Variants in ROCK2 observed in about 807,000 individuals in gnomAD.
ROCK2 encodes the protein rho-associated protein kinase 2.
ROCK2 carries 61 observed loss-of-function variants against 195.1 expected under a neutral mutation model. The ratio of observed to expected loss-of-function variants is 0.31; its 90% CI spans 0.25 to 0.39. The LOEUF is 0.39. ROCK2 is among the 10% of genes least tolerant of loss of function. ROCK2 has a pLI of 1.00. For synonymous variants in ROCK2, 504 were observed against 545.5 expected, an observed-to-expected ratio of 0.92 and a Z score of 1.06; for missense variants, 1,109 against 1,637.4, an observed-to-expected ratio of 0.68 and a Z score of 5.57.
chr2:11,320,105 C>A (rs554362992), intron 1 of ROCK2, among the ~76,000 whole-genome samples: 1 of 152,276 alleles, frequency 6.6e-6, no homozygotes, highest in African/African-American at 2.4e-5. Context: ...AGGATACATT[C>A]ACTCCCTATA....
chr2:11,216,115 T>C, intron 13 of ROCK2, 43 bp downstream of exon 13: 1 of 1,534,904 alleles, frequency 6.5e-7, no homozygotes, highest in African/African-American at 1.4e-5. Context: ...CATCAAAGAT[T>C]TTTACTAACA....
intron 32 of ROCK2, among the ~76,000 whole-genome samples, chr2:11,187,334 C>A (rs1663234940): frequency 6.6e-6 from 1 of 152,200 alleles, no homozygotes; most frequent in Admixed American, 6.5e-5. Flanking sequence ...CCCACTCTGT[C>A]CTGCCTGGGA....
At chr2:11,275,441 G>A (rs182761990) in intron 3 of ROCK2, among the ~76,000 whole-genome samples, 3 of 152,188 alleles carry the variant, frequency 2.0e-5, no homozygotes, top group East Asian at 1.9e-4. Flanking sequence ...GTGACTGTAC[G>A]AGAAAACAAC....
intron 7 of ROCK2, 62 bp from the exon 8 acceptor site, chr2:11,222,236 T>C (rs1664661401): frequency 4.4e-6 from 4 of 917,516 alleles, no homozygotes; most frequent in Non-Finnish European, 5.1e-6. Flanking sequence ...ATTAACTCTA[T>C]GTCAACAGTT....
intron 1 of ROCK2, among the ~76,000 whole-genome samples, chr2:11,298,964 T>G (rs1667621452): frequency 1.3e-5 from 2 of 152,086 alleles, no homozygotes; most frequent in South Asian, 4.1e-4. Flanking sequence ...TCATTTTATA[T>G]TCCACATTAA....
chr2:11,324,425 A>AAAAC, intron 1 of ROCK2, among the ~76,000 whole-genome samples: 2 of 150,758 alleles, frequency 1.3e-5, no homozygotes, highest in African/African-American at 4.9e-5. Context: ...CTCCGTCTCA[A>AAAAC]AAAACAAAAC....
At chr2:11,237,772 T>C (rs1659208434) in intron 4 of ROCK2, among the ~76,000 whole-genome samples, 1 of 152,142 alleles carries the variant, frequency 6.6e-6, no homozygotes, top group African/African-American at 2.4e-5. Flanking sequence ...TTCAAGAATA[T>C]AGTTTGACAA....
intron 5 of ROCK2, 33 bp from the exon 6 acceptor site, chr2:11,227,431 T>C (rs2148086863): frequency 6.3e-7 from 1 of 1,588,424 alleles, no homozygotes; most frequent in South Asian, 1.1e-5. Flanking sequence ...GAAAAAACAG[T>C]TCAGTGTAAA....
intron 8 of ROCK2, among the ~76,000 whole-genome samples, chr2:11,221,624 C>G (rs1664640682): frequency 6.6e-6 from 1 of 152,052 alleles, no homozygotes; most frequent in Admixed American, 6.6e-5. Flanking sequence ...ATTTAGAGAC[C>G]TCCATTTTCT....
intron 32 of ROCK2, among the ~76,000 whole-genome samples, chr2:11,189,306 C>T (rs1271274330): frequency 6.6e-6 from 1 of 152,140 alleles, no homozygotes; most frequent in Admixed American, 6.5e-5. Context: ...TGAGACACAC[C>T]AGCAATTCTG....
chr2:11,267,835 C>T (rs988647404), intron 3 of ROCK2, among the ~76,000 whole-genome samples: 3 of 151,060 alleles, frequency 2.0e-5, no homozygotes, highest in East Asian at 2.0e-4. Flanking sequence ...TTAGCAGAGA[C>T]GGGGTTTCAC....
chr2:11,227,459 GCAAT>G, intron 5 of ROCK2, 61 bp from the exon 6 acceptor site: 5 of 1,457,900 alleles, frequency 3.4e-6, no homozygotes, highest in Non-Finnish European at 4.7e-6. Flanking sequence ...ACTTATAAAT[GCAAT>G]GAATCCATTT....
At chr2:11,312,504 C>T (rs761108561) in intron 1 of ROCK2, among the ~76,000 whole-genome samples, 43 of 152,170 alleles carry the variant, frequency 2.8e-4, no homozygotes, top group Middle Eastern at 3.4e-3. Flanking sequence ...CTATAAATTA[C>T]TTTGAAGTTT....
intron 1 of ROCK2, chr2:11,307,967 G>T (rs1419814718): frequency 6.8e-7 from 1 of 1,471,184 alleles, no homozygotes; most frequent in Admixed American, 2.7e-5. Flanking sequence ...GAAGGATGGC[G>T]CCCTAGAACC....
intron 7 of ROCK2, 65 bp from the exon 8 acceptor site, chr2:11,222,239 C>T (rs1664661508): frequency 2.2e-6 from 2 of 900,564 alleles, no homozygotes; most frequent in Admixed American, 2.0e-5. Flanking sequence ...AACTCTATGT[C>T]AACAGTTTAA....
chr2:11,247,208 G>A (rs527931707), intron 4 of ROCK2, among the ~76,000 whole-genome samples: 32 of 152,136 alleles, frequency 2.1e-4, no homozygotes, highest in African/African-American at 7.2e-4. Context: ...AGGGGGGCAG[G>A]TGGAATTGGG....
rs70953381 is a variant in ROCK2, at chr2:11,282,607, C to CAAAAAAAAA, written c.324+3923_324+3931dup. Among the ~76,000 whole-genome samples, 16 of 123,364 alleles carry CAAAAAAAAA rather than the reference C, an allele frequency of 1.3e-4. 1 individual carries two copies. Among genetic ancestry groups the CAAAAAAAAA allele is most frequent in the Non-Finnish European group, 1.8e-4 (11 of 61,546 alleles). 80.9% of individuals were successfully genotyped at this position (123,364 alleles called of 152,430 possible). A position where few individuals can be genotyped will look rare whatever the true frequency, so the allele number is the denominator to read the frequency against. The stretch of plus-strand genomic sequence containing the variant: ...GCTGGAATAACTGAATATCTACATG[C>CAAAAAAAAA]AAAAAAAAAAAAAAGAATCAAGACC... On this transcript the variant is annotated intron_variant, in intron 3 of 32. Coordinates refer to ENST00000315872, the MANE Select transcript of ROCK2 (RefSeq NM_004850.5).
rs918745595 is a variant in ROCK2 at position 11,187,529 on chromosome 2, C to CT, written c.4164-4090dup. ...GGGACTACTGTAATCAGGCTGATCA[C>CT]TTTTTTTTACATTTAACAGCTATTT... On this transcript the variant is annotated intron_variant, in intron 32 of 32. Transcript: ENST00000315872. Among the ~76,000 whole-genome samples the CT allele has an allele frequency of 1.8e-4, 27 of 152,178 alleles. No homozygotes were observed. In the South Asian group the frequency reaches 3.5e-3, roughly 20 times the overall value.
At chr2:11,226,435 T>A (rs566219660) in intron 6 of ROCK2, among the ~76,000 whole-genome samples, 40 of 152,314 alleles carry the variant, frequency 2.6e-4, no homozygotes, top group Admixed American at 7.8e-4. Context: ...AAACACTGTA[T>A]TTATAATTTA....
Sources: allele counts gnomAD v4.1 joint callset (sites outside exome capture counted in the v4.1 genomes callset), GRCh38; gene constraint gnomAD v4.1.1; transcripts MANE v1.5; gene names NCBI Gene and HGNC (gene_info 2026-07-23, HGNC 2026-07-21).